Variants in OR1J2 observed in about 807,000 individuals in gnomAD.
The protein encoded by OR1J2 is olfactory receptor 1J2.
For synonymous variants in OR1J2, 142 were observed against 99.7 expected, an observed-to-expected ratio of 1.42 and a Z score of -2.52; for missense variants, 304 against 246.1, an observed-to-expected ratio of 1.24 and a Z score of -1.57.
chr9:122,554,474 G>A, the OR1J2 span, among the ~76,000 whole-genome samples: 42,037 of 151,930 alleles, frequency 0.28, 6,745 homozygotes, highest in East Asian at 0.81. Context: ...CTCTGGAGCT[G>A]AGCAATTCTA....
At chr9:122,523,335 G>T in the OR1J2 span, among the ~76,000 whole-genome samples, 2 of 152,106 alleles carry the variant, frequency 1.3e-5, no homozygotes, top group Non-Finnish European at 2.9e-5. Flanking sequence ...ATTGTGAGGG[G>T]GGTAGATTGT....
At chr9:122,537,467 T>TCTCTA in the OR1J2 span, among the ~76,000 whole-genome samples, 1 of 152,188 alleles carries the variant, frequency 6.6e-6, no homozygotes, top group East Asian at 1.9e-4. Flanking sequence ...TATGAGAGGG[T>TCTCTA]CTCTCTCTTC....
At chr9:122,543,110 CT>C in the OR1J2 span, among the ~76,000 whole-genome samples, 1 of 152,150 alleles carries the variant, frequency 6.6e-6, no homozygotes, top group East Asian at 1.9e-4. Context: ...CATATGATAA[CT>C]GTATGTTCAG....
chr9:122,527,292 A>G, the OR1J2 span: 13 of 1,595,798 alleles, frequency 8.1e-6, no homozygotes, highest in South Asian at 2.3e-5. Context: ...TTGGTTTTCC[A>G]TGACTCTGCA....
chr9:122,548,065 T>C, the OR1J2 span, among the ~76,000 whole-genome samples: 1 of 152,344 alleles, frequency 6.6e-6, no homozygotes. Context: ...TTTCCTCATA[T>C]GCTTATTAAC....
At chr9:122,450,100 T>G in the OR1J2 span, among the ~76,000 whole-genome samples, 1 of 152,128 alleles carries the variant, frequency 6.6e-6, no homozygotes, top group African/African-American at 2.4e-5. Context: ...ATCAAGCTAA[T>G]TACCATATCT....
the OR1J2 span, among the ~76,000 whole-genome samples, chr9:122,533,374 A>G: frequency 2.6e-5 from 4 of 152,130 alleles, no homozygotes; most frequent in African/African-American, 9.7e-5. Flanking sequence ...ATGCTGTGAG[A>G]TGGGATATTG....
chr9:122,500,537 A>T, the OR1J2 span, among the ~76,000 whole-genome samples: 6 of 152,216 alleles, frequency 3.9e-5, no homozygotes, highest in South Asian at 1.2e-3. Context: ...ATGGCACTAG[A>T]TTTAACATTT....
the OR1J2 span, among the ~76,000 whole-genome samples, chr9:122,542,213 G>C: frequency 6.6e-6 from 1 of 152,120 alleles, no homozygotes; most frequent in Non-Finnish European, 1.5e-5. Flanking sequence ...ATAACCCATA[G>C]TTTATTCAAT....
chr9:122,530,206 C>T, the OR1J2 span, among the ~76,000 whole-genome samples: 1 of 152,196 alleles, frequency 6.6e-6, no homozygotes, highest in Non-Finnish European at 1.5e-5. Flanking sequence ...GTGGCAGTTA[C>T]GTTCATCAGC....
chr9:122,462,147 T>A, the OR1J2 span, among the ~76,000 whole-genome samples: 1 of 152,202 alleles, frequency 6.6e-6, no homozygotes, highest in African/African-American at 2.4e-5. Flanking sequence ...CCTGTTGGAT[T>A]AGTCCTTTTA....
At chr9:122,577,494 G>T in the OR1J2 span, among the ~76,000 whole-genome samples, 1 of 152,108 alleles carries the variant, frequency 6.6e-6, no homozygotes, top group Non-Finnish European at 1.5e-5. Context: ...CAATGAACAT[G>T]AACAGGCAAT....
At chr9:122,530,507 T>C in the OR1J2 span, among the ~76,000 whole-genome samples, 1 of 152,236 alleles carries the variant, frequency 6.6e-6, no homozygotes, top group East Asian at 1.9e-4. Context: ...TCTCTGCTTT[T>C]CTTAGATCAA....
At chr9:122,488,299 A>G in the OR1J2 span, among the ~76,000 whole-genome samples, 2 of 152,002 alleles carry the variant, frequency 1.3e-5, no homozygotes, top group African/African-American at 4.8e-5. Context: ...CACCACGTCC[A>G]GCTAATTTTT....
the OR1J2 span, among the ~76,000 whole-genome samples, chr9:122,489,772 C>G: frequency 6.6e-6 from 1 of 152,124 alleles, no homozygotes; most frequent in South Asian, 2.1e-4. Flanking sequence ...TTTTTCTCCA[C>G]ATTGGGCCTC....
chr9:122,551,008 C>T, the OR1J2 span, among the ~76,000 whole-genome samples: 1 of 151,460 alleles, frequency 6.6e-6, no homozygotes, highest in African/African-American at 2.4e-5. Flanking sequence ...CCTAGAATAC[C>T]TTAAAGATTC....
At chr9:122,526,811 C>T in the OR1J2 span, 3 of 1,613,984 alleles carry the variant, frequency 1.9e-6, no homozygotes, top group African/African-American at 2.7e-5. Flanking sequence ...ACAACCGAGC[C>T]ATGAGGAACG....
the OR1J2 span, among the ~76,000 whole-genome samples, chr9:122,554,473 T>C: frequency 0.53 from 80,579 of 151,826 alleles, 22,224 homozygotes; most frequent in East Asian, 0.98. Context: ...GCTCTGGAGC[T>C]GAGCAATTCT....
the OR1J2 span, among the ~76,000 whole-genome samples, chr9:122,483,115 A>G: frequency 6.6e-6 from 1 of 152,198 alleles, no homozygotes; most frequent in Non-Finnish European, 1.5e-5. Context: ...CCATAAGTAT[A>G]TACAATTATT....
Sources: allele counts gnomAD v4.1 joint callset (sites outside exome capture counted in the v4.1 genomes callset), GRCh38; gene constraint gnomAD v4.1.1; transcripts MANE v1.5; gene names NCBI Gene and HGNC (gene_info 2026-07-23, HGNC 2026-07-21).